NEK9: variants seen among roughly 807,000 people sequenced by gnomAD.
NEK9 encodes the protein serine/threonine-protein kinase Nek9.
In NEK9, 75 loss-of-function variants were observed where a neutral mutation model predicts 123.4. That is an observed-to-expected ratio of 0.61 (90% CI 0.50 to 0.74). The LOEUF is 0.74. NEK9 is among the 30% of genes least tolerant of loss of function. NEK9 has a pLI of 0.00. For missense variants in NEK9, 952 were observed against 1,214.4 expected, an observed-to-expected ratio of 0.78 and a Z score of 3.21; for synonymous variants, 438 against 458.7, an observed-to-expected ratio of 0.95 and a Z score of 0.58.
chr14:75,122,129 C>G (rs1170105962), intron 2 of NEK9, among the ~76,000 whole-genome samples: 1 of 152,178 alleles, frequency 6.6e-6, no homozygotes. Context: ...CTATAACTTA[C>G]ACTTTAGCCC....
rs111521514 is a variant in NEK9 at position 75,116,914 on chromosome 14, C to A, written c.762+281G>T. Among the ~76,000 whole-genome samples the A allele has an allele frequency of 6.0e-3, 906 of 152,226 alleles. 8 individuals are homozygous for A. The highest frequency in any genetic ancestry group is 0.021 in the African/African-American group (872 of 41,514). ...TACAGGTGTGCGCCACCACACCCGG[C>A]TGAGTTTTGTATTTCTAATGGAGAC... On this transcript the variant is annotated intron_variant, in intron 6 of 21. Transcript: ENST00000238616.
chr14:75,099,782 C>CGAA (rs1894504555), intron 16 of NEK9, among the ~76,000 whole-genome samples: 1 of 118,500 alleles, frequency 8.4e-6, no homozygotes. Context: ...GATTGTGTCT[C>CGAA]AAAAAAAAAA....
chr14:75,086,009 T>G (rs942130984), intron 21 of NEK9, among the ~76,000 whole-genome samples: 2 of 151,788 alleles, frequency 1.3e-5, no homozygotes, highest in Non-Finnish European at 2.9e-5. Flanking sequence ...GCCAATATGG[T>G]GAAATCCCAT....
intron 1 of NEK9, among the ~76,000 whole-genome samples, chr14:75,124,754 G>A (rs940019782): frequency 6.7e-6 from 1 of 148,970 alleles, no homozygotes; most frequent in Non-Finnish European, 1.5e-5. Context: ...TATGTATCCT[G>A]TAGCTCCTGA....
intron 21 of NEK9, 67 bp downstream of exon 21, chr14:75,086,951 T>G: frequency 6.8e-7 from 1 of 1,465,512 alleles, no homozygotes; most frequent in East Asian, 2.3e-5. Context: ...TTTCAGTACT[T>G]TGTGTTTTGT....
At position 75,083,542 on chromosome 14, in the gene NEK9, C is replaced by T. The variant is rs1555350633; in HGVS notation, c.*1022G>A. ...CGTTACCACATGGCTTCATAAAACA[C>T]CAAAAGGGGAAAAATACTGACTAGA... On this transcript the variant is annotated 3_prime_UTR_variant, in exon 22 of 22. Coordinates refer to ENST00000238616, the MANE Select transcript of NEK9 (RefSeq NM_033116.6). 1 of 153,816 alleles carries T rather than the reference C, an allele frequency of 6.5e-6. No individual in the cohort carries two copies. The highest frequency in any genetic ancestry group is 1.4e-5 in the Non-Finnish European group (1 of 69,260). The allele number at this position is 153,816 out of a possible 1,614,324, so 9.5% of individuals were successfully genotyped here.
At position 75,109,894 on chromosome 14, in the gene NEK9, G is replaced by A; in HGVS notation, c.990-17C>T. The A allele has an allele frequency of 1.3e-6, 2 of 1,579,420 alleles. No individual in the cohort carries two copies. The highest frequency in any genetic ancestry group is 1.1e-5 in the South Asian group (1 of 87,010). On this transcript the variant is annotated splice_polypyrimidine_tract_variant and intron_variant, in intron 9 of 21. Coordinates refer to ENST00000238616, the MANE Select transcript of NEK9 (RefSeq NM_033116.6). ...GTGCTTGACCTGCCAACAACCCCCA[G>A]AACAAAGGAACATTTAACATTAAAA...
chr14:75,084,471 A>T lies in NEK9; in HGVS notation c.*93T>A. 6.6e-7 allele frequency: 1 copy of T among 1,512,978 alleles called. No homozygotes were observed. 93.7% of individuals were successfully genotyped at this position (1,512,978 alleles called of 1,614,324 possible). A position where few individuals can be genotyped will look rare whatever the true frequency, so the allele number is the denominator to read the frequency against. On this transcript the variant is annotated 3_prime_UTR_variant, in exon 22 of 22. Coordinates refer to ENST00000238616, the MANE Select transcript of NEK9 (RefSeq NM_033116.6). ...GCCTTGCGCTCCTTTTCTGCAAGTG[A>T]ACAAAGCCAGGAAAGCTGCTCTCTG...
intron 11 of NEK9, among the ~76,000 whole-genome samples, chr14:75,107,038 T>C (rs906120333): frequency 6.6e-6 from 1 of 151,968 alleles, no homozygotes; most frequent in Non-Finnish European, 1.5e-5. Flanking sequence ...TAAACTTAGG[T>C]CTTGATCCTA....
chr14:75,086,059 A>G (rs1481318815), intron 21 of NEK9, among the ~76,000 whole-genome samples: 1 of 151,566 alleles, frequency 6.6e-6, no homozygotes, highest in Non-Finnish European at 1.5e-5. Flanking sequence ...CATGGTGGTA[A>G]GCGTCTATAG....
chr14:75,084,820 G>A, intron 21 of NEK9, 134 bp from the exon 22 acceptor site: 1 of 1,079,796 alleles, frequency 9.3e-7, no homozygotes. Context: ...CCACGATCTT[G>A]TGAGACGCTC....
At position 75,126,982 on chromosome 14, in the gene NEK9, C is replaced by A. The variant is rs1421819027; in HGVS notation, c.-61G>T. 2 of 1,332,782 alleles carry A rather than the reference C, an allele frequency of 1.5e-6. No homozygotes were observed. Among genetic ancestry groups the A allele is most frequent in the Non-Finnish European group, 2.0e-6 (2 of 1,016,734 alleles). The allele number at this position is 1,332,782 out of a possible 1,614,324, so 82.6% of individuals were successfully genotyped here. On this transcript the variant is annotated 5_prime_UTR_variant, in exon 1 of 22. Transcript: ENST00000238616. ...ATGCCCGGAGGCCCTGGCCGCGCTG[C>A]GTCCCGCTCGCTTCAGATGCCGGCC...
At chr14:75,107,117 C>G (rs1894803333) in intron 11 of NEK9, among the ~76,000 whole-genome samples, 1 of 152,028 alleles carries the variant, frequency 6.6e-6, no homozygotes, top group South Asian at 2.1e-4. Flanking sequence ...CACACATTTT[C>G]TCCTGATCCC....
intron 15 of NEK9, 78 bp from the exon 16 acceptor site, chr14:75,101,231 A>G: frequency 7.0e-7 from 1 of 1,425,212 alleles, no homozygotes. Context: ...AGCAGACTTC[A>G]TGGATTAGCT....
intron 3 of NEK9, 106 bp downstream of exon 3, chr14:75,121,013 C>T (rs752345669): frequency 2.1e-6 from 2 of 955,620 alleles, no homozygotes; most frequent in Non-Finnish European, 3.4e-6. Flanking sequence ...GGAGTCTGAA[C>T]AAAAGGAAAA....
chr14:75,084,049 C>T lies in NEK9; in HGVS notation c.*515G>A, dbSNP rs1014077937. 1.3e-5 allele frequency: 2 copies of T among 156,320 alleles called. No individual in the cohort carries two copies. Among genetic ancestry groups the T allele is most frequent in the Non-Finnish European group, 2.8e-5 (2 of 70,372 alleles). 9.7% of individuals were successfully genotyped at this position (156,320 alleles called of 1,614,324 possible). A position where few individuals can be genotyped will look rare whatever the true frequency, so the allele number is the denominator to read the frequency against. ...TCCATCAGACATATTTTCCTGGACT[C>T]AGGGCTCCCAAGAGGGCCAGACTAC... On this transcript the variant is annotated 3_prime_UTR_variant, in exon 22 of 22. Coordinates refer to ENST00000238616, the MANE Select transcript of NEK9 (RefSeq NM_033116.6).
At chr14:75,126,232 A>C (rs555366858) in intron 1 of NEK9, among the ~76,000 whole-genome samples, 5 of 152,174 alleles carry the variant, frequency 3.3e-5, no homozygotes, top group Non-Finnish European at 7.4e-5. Context: ...AATGACAAAA[A>C]TAACGGAGTT....
At chr14:75,088,671 C>A in intron 19 of NEK9, 30 bp from the exon 20 acceptor site, 1 of 1,601,286 alleles carries the variant, frequency 6.2e-7, no homozygotes, top group South Asian at 1.1e-5. Flanking sequence ...TCTCATTAGT[C>A]TGTTTGCAGT....
intron 1 of NEK9, among the ~76,000 whole-genome samples, chr14:75,125,513 T>C (rs1404697255): frequency 6.6e-6 from 1 of 152,230 alleles, no homozygotes; most frequent in Admixed American, 6.5e-5. Flanking sequence ...TGTGAGACTT[T>C]AGTTCTAGTC....
Sources: allele counts gnomAD v4.1 joint callset (sites outside exome capture counted in the v4.1 genomes callset), GRCh38; gene constraint gnomAD v4.1.1; transcripts MANE v1.5; gene names NCBI Gene and HGNC (gene_info 2026-07-23, HGNC 2026-07-21).